The following TNFRSF10D variants were observed in gnomAD, a reference collection of about 807,000 sequenced individuals.
The protein encoded by TNFRSF10D is tumor necrosis factor receptor superfamily member 10D.
In TNFRSF10D, 28 loss-of-function variants were observed where a neutral mutation model predicts 42.1. The ratio of observed to expected loss-of-function variants is 0.66; its 90% CI spans 0.49 to 0.91. The LOEUF (loss-of-function observed/expected upper bound fraction) is 0.91, where lower values mean the gene tolerates loss of function less well. Ranked by LOEUF, TNFRSF10D falls within the 40% of genes least tolerant of loss-of-function variation. The pLI is 0.00. For synonymous variants in TNFRSF10D, 186 were observed against 189.4 expected, an observed-to-expected ratio of 0.98 and a Z score of 0.15; for missense variants, 503 against 486.1, an observed-to-expected ratio of 1.03 and a Z score of -0.33.
chr8:23,150,326 C>T (rs978313934), intron 2 of TNFRSF10D, among the ~76,000 whole-genome samples: 2 of 152,230 alleles, frequency 1.3e-5, no homozygotes, highest in Non-Finnish European at 2.9e-5. Flanking sequence ...CAGGTCACCT[C>T]TCTGGATACT....
chr8:23,136,945 G>C lies in TNFRSF10D; in HGVS notation c.*925C>G, dbSNP rs1175757726. The stretch of plus-strand genomic sequence containing the variant: ...TGGAATGCAGTAAGTGCCTCCCACA[G>C]AGGGAGGATTTCTCCCTCCGTCACT... On this transcript the variant is annotated 3_prime_UTR_variant, in exon 9 of 9. Coordinates refer to ENST00000312584, the MANE Select transcript of TNFRSF10D (RefSeq NM_003840.5). The C allele has an allele frequency of 1.3e-5, 2 of 152,156 alleles. No homozygotes were observed. The highest frequency in any genetic ancestry group is 1.5e-5 in the Non-Finnish European group (1 of 68,014). The allele number at this position is 152,156 out of a possible 1,614,324, so 9.4% of individuals were successfully genotyped here. A position where few individuals can be genotyped will look rare whatever the true frequency, so the allele number is the denominator to read the frequency against.
chr8:23,156,657 C>T (rs567980517), intron 1 of TNFRSF10D, among the ~76,000 whole-genome samples: 11 of 152,092 alleles, frequency 7.2e-5, no homozygotes, highest in African/African-American at 2.2e-4. Flanking sequence ...CTCTGCCTCC[C>T]GGGCTCAAGT....
In TNFRSF10D at chr8:23,137,913, A is replaced by C; in HGVS notation, c.1118T>G (p.Phe373Cys). 6.2e-7 allele frequency: 1 copy of C among 1,614,206 alleles called. No individual in the cohort carries two copies. Among genetic ancestry groups the C allele is most frequent in the Non-Finnish European group, 8.5e-7 (1 of 1,180,042 alleles). The change falls in exon 9 of 9, where the codon TTT becomes TGT. Residue 373 changes from phenylalanine (F) to cysteine (C), a missense_variant. Coordinates refer to ENST00000312584, the MANE Select transcript of TNFRSF10D (RefSeq NM_003840.5). ...QDQLVGSEKL[F>C]YEEDEAGSAT... ...AGAGCCTGCCTCATCTTCTTCATAA[A>C]AGAGCTTTTCGGAGCCCACCAGTTG...
In TNFRSF10D at chr8:23,140,493, T is replaced by C. The variant is rs144589578; in HGVS notation, c.955-2233A>G. On this transcript the variant is annotated intron_variant, in intron 7 of 8. Coordinates refer to ENST00000312584, the MANE Select transcript of TNFRSF10D (RefSeq NM_003840.5). Reference sequence around the variant, plus strand: ...TACAAAACACTGCTAAAAGAAATCATAGATAACATGAACAAATGGAAAAAC... The same window carrying C: ...TACAAAACACTGCTAAAAGAAATCACAGATAACATGAACAAATGGAAAAAC... Among the ~76,000 whole-genome samples, 674 of 151,716 alleles carry C rather than the reference T, an allele frequency of 4.4e-3. 1 individual carries two copies. The highest frequency in any genetic ancestry group is 6.8e-3 in the Middle Eastern group (2 of 294).
Position 23,148,986 on chromosome 8 carries a change from C to T in TNFRSF10D, c.257-435G>A, listed in dbSNP as rs62501097. 2.9e-3 allele frequency among the ~76,000 whole-genome samples: 435 copies of T among 151,444 alleles called. 3 individuals carry two copies. The highest frequency in any genetic ancestry group is 6.8e-3 in the Middle Eastern group (2 of 294). ...CGGACGAATCACGAGGTCAGGAGAT[C>T]GAGACCATCCTGGCTAACACAGTGA... On this transcript the variant is annotated intron_variant, in intron 2 of 8. Coordinates refer to ENST00000312584, the MANE Select transcript of TNFRSF10D (RefSeq NM_003840.5).
At chr8:23,151,944 A>G (rs956169781) in intron 2 of TNFRSF10D, among the ~76,000 whole-genome samples, 7 of 152,318 alleles carry the variant, frequency 4.6e-5, no homozygotes, top group Admixed American at 3.3e-4. Context: ...AGATTTCATC[A>G]TGGATGTTCA....
chr8:23,150,056 C>A (rs529316674), intron 2 of TNFRSF10D, among the ~76,000 whole-genome samples: 1 of 152,262 alleles, frequency 6.6e-6, no homozygotes, highest in East Asian at 1.9e-4. Context: ...GAGATAAGGG[C>A]ATGATAAAGG....
In TNFRSF10D at chr8:23,144,562, C is replaced by T. The variant is rs1800083726; in HGVS notation, c.842G>A (p.Ser281Asn). ...AEDNARNETL[S>N]NRYLQPTQVS... ...CTGGGTGGGCTGCAAGTATCTGTTA[C>T]TCAGGGTCTCGTTGCGGGCATTGTC... The change falls in exon 7 of 9, where the codon AGT (serine) becomes AAT (asparagine). Residue 281 changes from serine (S) to asparagine (N), a missense_variant. Transcript: ENST00000312584. 6.2e-7 allele frequency: 1 copy of T among 1,614,078 alleles called. No homozygotes were observed. The highest frequency in any genetic ancestry group is 1.3e-5 in the African/African-American group (1 of 74,934).
At chr8:23,160,656 C>T (rs1056709217) in intron 1 of TNFRSF10D, among the ~76,000 whole-genome samples, 9 of 152,080 alleles carry the variant, frequency 5.9e-5, no homozygotes, top group African/African-American at 1.4e-4. Flanking sequence ...AGCACAGGCT[C>T]GGGGCATGGC....
At chr8:23,148,575 T>C (rs745809214) in intron 2 of TNFRSF10D, 24 bp from the exon 3 acceptor site, 35 of 1,554,930 alleles carry the variant, frequency 2.3e-5, no homozygotes, top group Non-Finnish European at 2.7e-5. Flanking sequence ...GAAAAGTTAA[T>C]GAATGAGTCA....
intron 3 of TNFRSF10D, among the ~76,000 whole-genome samples, 188 bp from the exon 4 acceptor site, chr8:23,147,260 G>C (rs1384772292): frequency 6.6e-6 from 1 of 152,170 alleles, no homozygotes; most frequent in East Asian, 1.9e-4. Context: ...CAATACAAAA[G>C]GACCGTGATT....
At chr8:23,145,619 A>C in intron 5 of TNFRSF10D, 49 bp downstream of exon 5, 6 of 1,610,762 alleles carry the variant, frequency 3.7e-6, no homozygotes, top group Middle Eastern at 1.7e-4. Flanking sequence ...GGAGTGGGAG[A>C]GGGCAGGGCA....
chr8:23,144,939 C>T, intron 6 of TNFRSF10D, 119 bp downstream of exon 6: 1 of 1,458,440 alleles, frequency 6.9e-7, no homozygotes, highest in Non-Finnish European at 9.6e-7. Context: ...TCCCCCAGGC[C>T]ATGTCAGAGA....
chr8:23,149,816 C>T (rs1800192194), intron 2 of TNFRSF10D, among the ~76,000 whole-genome samples: 1 of 152,120 alleles, frequency 6.6e-6, no homozygotes, highest in African/African-American at 2.4e-5. Flanking sequence ...CCCCACCAAC[C>T]TCGTCTCTGT....
intron 2 of TNFRSF10D, among the ~76,000 whole-genome samples, chr8:23,149,626 C>T (rs1244861800): frequency 6.6e-6 from 1 of 151,712 alleles, no homozygotes; most frequent in African/African-American, 2.4e-5. Context: ...CATGCTGGTC[C>T]ACCTGACCTG....
At chr8:23,147,981 CGTGAACTCAGGAGGCGGA>C in intron 3 of TNFRSF10D, among the ~76,000 whole-genome samples, 1 of 147,132 alleles carries the variant, frequency 6.8e-6, no homozygotes, top group African/African-American at 2.5e-5. Flanking sequence ...AGGAGAATGG[CGTGAACTCAGGAGGCGGA>C]GCTTGCAGTG....
intron 2 of TNFRSF10D, among the ~76,000 whole-genome samples, chr8:23,149,575 A>G (rs1179976257): frequency 6.6e-6 from 1 of 151,858 alleles, no homozygotes; most frequent in African/African-American, 2.4e-5. Context: ...ATAAAATAAA[A>G]TAACAAAATA....
chr8:23,138,277 G>A lies in TNFRSF10D; in HGVS notation c.955-17C>T, dbSNP rs1200930213. The A allele has an allele frequency of 1.2e-6, 2 of 1,614,026 alleles. No homozygotes were observed. Among genetic ancestry groups the A allele is most frequent in the South Asian group, 1.1e-5 (1 of 91,088 alleles). ...TGCCTGTTCCTGTAACACACAGTGG[G>A]GAATGCTCTGGTCAGAGTCAGGAGT... On this transcript the variant is annotated splice_polypyrimidine_tract_variant and intron_variant, in intron 7 of 8. Transcript: ENST00000312584.
At position 23,163,732 on chromosome 8, in the gene TNFRSF10D, A is replaced by C. The variant is rs1585268308; in HGVS notation, c.150+54T>G. On this transcript the variant is annotated intron_variant, in intron 1 of 8. Coordinates refer to ENST00000312584, the MANE Select transcript of TNFRSF10D (RefSeq NM_003840.5). ...ACCGTGTCCCCCTCTCTCCCTGCCC[A>C]CTCCCGGCGCCAGGTGCGCTCTTCC... is the stretch of plus-strand genomic sequence containing the variant. The C allele has an allele frequency of 3.2e-6, 5 of 1,583,496 alleles. 1 individual carries two copies. In the South Asian group the frequency reaches 4.6e-5, roughly 15 times the overall value.
Sources: allele counts gnomAD v4.1 joint callset (sites outside exome capture counted in the v4.1 genomes callset), GRCh38; gene constraint gnomAD v4.1.1; transcripts MANE v1.5; gene names NCBI Gene and HGNC (gene_info 2026-07-23, HGNC 2026-07-21).